Variants in CNTNAP5 observed in about 807,000 individuals in gnomAD.
CNTNAP5 encodes the protein contactin associated protein family member 5.
A neutral mutation model predicts 150.2 loss-of-function variants in CNTNAP5; 72 were observed. The ratio of observed to expected loss-of-function variants is 0.48; its 90% CI spans 0.40 to 0.58. The LOEUF (loss-of-function observed/expected upper bound fraction) is 0.58, where lower values mean the gene tolerates loss of function less well. Among genes scored for constraint, CNTNAP5 ranks in the 20% least tolerant of loss-of-function variants. The probability of loss-of-function intolerance (pLI) is 0.00; values close to 1 mark genes in which losing one functional copy is unlikely to be tolerated. For synonymous variants in CNTNAP5, 672 were observed against 619.8 expected (o/e 1.08, Z -1.25); for missense variants, 1,636 against 1,626.2 (o/e 1.01, Z -0.10).
At chr2:124,326,655 T>C (rs941585287) in intron 3 of CNTNAP5, among the ~76,000 whole-genome samples, 1 of 152,164 alleles carries the variant, frequency 6.6e-6, no homozygotes, top group Admixed American at 6.5e-5. Flanking sequence ...CCAGGCATGA[T>C]GGCCTATGCC....
intron 3 of CNTNAP5, among the ~76,000 whole-genome samples, chr2:124,254,874 G>A (rs72843612): frequency 0.091 from 13,799 of 152,222 alleles, 795 homozygotes; most frequent in Middle Eastern, 0.15. Flanking sequence ...GAAGCATGCA[G>A]TTGTTTTGCA....
chr2:124,609,994 G>A (rs913315323), intron 12 of CNTNAP5, 74 bp downstream of exon 12: 77 of 1,501,024 alleles, frequency 5.1e-5, no homozygotes, highest in Non-Finnish European at 6.9e-5. Flanking sequence ...ATTCACTGGA[G>A]GGGGATACCT....
chr2:124,786,331 AAG>A (rs1385299588), intron 17 of CNTNAP5, among the ~76,000 whole-genome samples: 4 of 140,220 alleles, frequency 2.9e-5, no homozygotes, highest in South Asian at 2.3e-4. Flanking sequence ...GGAAGAAAGA[AAG>A]AGAAAGAAAG....
chr2:124,134,032 G>C (rs1183833062), intron 1 of CNTNAP5, among the ~76,000 whole-genome samples: 8 of 152,134 alleles, frequency 5.3e-5, no homozygotes, highest in Admixed American at 3.3e-4. Flanking sequence ...CTTAATTGCT[G>C]TTCTTTCCTG....
At chr2:124,504,662 G>T (rs1694360095) in intron 8 of CNTNAP5, 106 bp downstream of exon 8, 3 of 1,064,492 alleles carry the variant, frequency 2.8e-6, no homozygotes, top group South Asian at 1.6e-5. Flanking sequence ...ATATGGGTTA[G>T]CCCAGTATTC....
At chr2:124,479,513 G>A (rs1339977204) in intron 7 of CNTNAP5, among the ~76,000 whole-genome samples, 1 of 152,188 alleles carries the variant, frequency 6.6e-6, no homozygotes, top group Non-Finnish European at 1.5e-5. Context: ...GGAAGAAAAT[G>A]CAAATAACTA....
Position 124,742,907 on chromosome 2 carries a change from G to A in CNTNAP5, c.2078-4322G>A, listed in dbSNP as rs558132819. Among the ~76,000 whole-genome samples, 202 of 152,138 alleles carry A rather than the reference G, an allele frequency of 1.3e-3. 1 individual carries two copies. Among genetic ancestry groups the A allele is most frequent in the African/African-American group, 4.4e-3 (182 of 41,508 alleles). On this transcript the variant is annotated intron_variant, in intron 13 of 23. Coordinates refer to ENST00000682447, the MANE Select transcript of CNTNAP5 (RefSeq NM_001367498.1). ...TTGGCTGTTTTGTGGAAGTCCTTGC[G>A]TTGCATGGCTGCTGAGGCTGTGTAT... is the stretch of plus-strand genomic sequence containing the variant.
At chr2:124,826,494 T>C (rs10210543) in intron 19 of CNTNAP5, among the ~76,000 whole-genome samples, 7,579 of 152,162 alleles carry the variant, frequency 0.05, 554 homozygotes, top group African/African-American at 0.16. Flanking sequence ...CTGATCACTT[T>C]ATTCTGGGAT....
At chr2:124,329,075 C>T (rs1262482294) in intron 3 of CNTNAP5, among the ~76,000 whole-genome samples, 1 of 152,078 alleles carries the variant, frequency 6.6e-6, no homozygotes, top group African/African-American at 2.4e-5. Context: ...GGAAGTAAAT[C>T]GGCCCAAAGA....
intron 13 of CNTNAP5, among the ~76,000 whole-genome samples, chr2:124,728,179 G>A (rs1037211227): frequency 4.0e-5 from 6 of 151,854 alleles, no homozygotes; most frequent in Admixed American, 3.9e-4. Flanking sequence ...ATGTGCTTTT[G>A]AATTTCATTT....
At chr2:124,431,218 C>T (rs1233980308) in intron 4 of CNTNAP5, among the ~76,000 whole-genome samples, 1 of 152,056 alleles carries the variant, frequency 6.6e-6, no homozygotes, top group Non-Finnish European at 1.5e-5. Context: ...TTTGTATCCT[C>T]AGTTAAGTCA....
chr2:124,088,366 A>G (rs888389471), intron 1 of CNTNAP5, among the ~76,000 whole-genome samples: 3 of 152,052 alleles, frequency 2.0e-5, no homozygotes, highest in African/African-American at 4.8e-5. Context: ...CAGCGTGTTC[A>G]TAATTGATTA....
At chr2:124,089,512 T>G (rs1403987771) in intron 1 of CNTNAP5, among the ~76,000 whole-genome samples, 1 of 152,162 alleles carries the variant, frequency 6.6e-6, no homozygotes, top group African/African-American at 2.4e-5. Context: ...TCCATTATGT[T>G]TTGTACTCTC....
chr2:124,127,836 C>T (rs531850578), intron 1 of CNTNAP5, among the ~76,000 whole-genome samples: 2 of 152,224 alleles, frequency 1.3e-5, no homozygotes, highest in African/African-American at 4.8e-5. Context: ...ATAAATGTTG[C>T]TGGGAAAACT....
At chr2:124,388,588 G>A (rs1248560951) in intron 3 of CNTNAP5, among the ~76,000 whole-genome samples, 2 of 152,164 alleles carry the variant, frequency 1.3e-5, no homozygotes, top group Non-Finnish European at 2.9e-5. Flanking sequence ...GCATTTATAT[G>A]TTCCCGCTCC....
chr2:124,673,871 A>G (rs187210835), intron 13 of CNTNAP5, among the ~76,000 whole-genome samples: 1 of 152,180 alleles, frequency 6.6e-6, no homozygotes, highest in African/African-American at 2.4e-5. Context: ...GATATATTTA[A>G]TAAGACATTA....
intron 3 of CNTNAP5, among the ~76,000 whole-genome samples, chr2:124,295,110 A>G (rs1688388068): frequency 7.6e-6 from 1 of 131,232 alleles, no homozygotes; most frequent in Non-Finnish European, 1.6e-5. Context: ...CATCTCAAAA[A>G]CAAAACAACA....
At chr2:124,706,799 AGG>A (rs1679657808) in intron 13 of CNTNAP5, among the ~76,000 whole-genome samples, 18 of 7,740 alleles carry the variant, frequency 2.3e-3, no homozygotes, top group East Asian at 6.8e-3. Flanking sequence ...AAGAAGAAGG[AGG>A]AGGAGGAGGA....
chr2:124,087,594 G>T (rs1224266458), intron 1 of CNTNAP5, among the ~76,000 whole-genome samples: 2 of 151,644 alleles, frequency 1.3e-5, no homozygotes, highest in African/African-American at 4.9e-5. Context: ...TGGTGGCGTG[G>T]GCCTGTAGTC....
Sources: gnomAD v4.1 joint callset for allele counts (sites outside exome capture counted in the v4.1 genomes callset) on GRCh38, gnomAD v4.1.1 for gene constraint, MANE v1.5 for transcripts, NCBI Gene and HGNC (gene_info 2026-07-23, HGNC 2026-07-21) for gene names.